Variants in LSAMP observed in about 807,000 individuals in gnomAD.
The protein encoded by LSAMP is limbic system-associated membrane protein.
LSAMP carries 7 observed loss-of-function variants against 38.6 expected under a neutral mutation model. The ratio of observed to expected loss-of-function variants is 0.18; its 90% CI spans 0.10 to 0.34. LSAMP has a LOEUF of 0.34. Ranked by LOEUF, LSAMP falls within the 10% of genes least tolerant of loss-of-function variation. LSAMP has a pLI of 1.00. For missense variants in LSAMP, 313 were observed against 420.0 expected, an observed-to-expected ratio of 0.75 and a Z score of 2.23; for synonymous variants, 154 against 166.8, an observed-to-expected ratio of 0.92 and a Z score of 0.59.
At position 115,935,186 on chromosome 3, in the gene LSAMP, G is replaced by A. The variant is rs141549700; in HGVS notation, c.515-82569C>T. ...GTAACTCAAGGAATAAAATATGAAAGGAAGGAAATAGAGGGGATAGAGGTA... is the reference window on the plus strand; with the variant it reads ...GTAACTCAAGGAATAAAATATGAAAAGAAGGAAATAGAGGGGATAGAGGTA... On this transcript the variant is annotated intron_variant, in intron 3 of 6. Transcript: ENST00000490035. 8.0e-3 allele frequency among the ~76,000 whole-genome samples: 1,224 copies of A among 152,194 alleles called. 1 individual carries two copies. Among genetic ancestry groups the A allele is most frequent in the Non-Finnish European group, 0.011 (745 of 68,004 alleles).
rs1360565467 is a variant in LSAMP at position 116,027,457 on chromosome 3, T to C, written c.389-7817A>G. Among the ~76,000 whole-genome samples, 25 of 152,182 alleles carry C rather than the reference T, an allele frequency of 1.6e-4. 1 individual carries two copies. The highest frequency in any genetic ancestry group is 1.5e-5 in the Non-Finnish European group (1 of 68,032). ...TTCAATTCTGTGTTATTTCATATTC[T>C]TCCAATGGACCACCTGCTTTATACA... On this transcript the variant is annotated intron_variant, in intron 2 of 6. Coordinates refer to ENST00000490035, the MANE Select transcript of LSAMP (RefSeq NM_002338.5).
At chr3:116,157,610 T>C (rs1709784732) in intron 1 of LSAMP, among the ~76,000 whole-genome samples, 2 of 151,906 alleles carry the variant, frequency 1.3e-5, no homozygotes, top group African/African-American at 2.4e-5. Flanking sequence ...AAATAAGATA[T>C]ACTTAGGATA....
chr3:115,928,591 A>AT (rs1244172337), intron 3 of LSAMP, among the ~76,000 whole-genome samples: 1 of 152,218 alleles, frequency 6.6e-6, no homozygotes, highest in African/African-American at 2.4e-5. Flanking sequence ...CATATTGTGA[A>AT]TCTCTAGAGA....
At chr3:115,928,314 T>C (rs1053521919) in intron 3 of LSAMP, among the ~76,000 whole-genome samples, 2 of 152,206 alleles carry the variant, frequency 1.3e-5, no homozygotes, top group African/African-American at 4.8e-5. Flanking sequence ...AAGGCTCTTA[T>C]TTAAAACCAC....
intron 1 of LSAMP, among the ~76,000 whole-genome samples, chr3:116,300,632 G>A (rs1163284417): frequency 6.6e-6 from 1 of 152,122 alleles, no homozygotes; most frequent in Non-Finnish European, 1.5e-5. Flanking sequence ...TAGGTTGCAT[G>A]CTTCTTATGA....
intron 3 of LSAMP, among the ~76,000 whole-genome samples, chr3:115,964,754 T>C (rs536244506): frequency 1.3e-4 from 20 of 152,178 alleles, no homozygotes; most frequent in Middle Eastern, 3.4e-3. Context: ...AAACTTAGCT[T>C]GAATGGGGAT....
chr3:116,009,467 A>C (rs1457894929), intron 3 of LSAMP, among the ~76,000 whole-genome samples: 1 of 152,192 alleles, frequency 6.6e-6, no homozygotes, highest in Admixed American at 6.5e-5. Context: ...CTTATAATAT[A>C]ACTCCCTGAG....
rs17358 is a variant in LSAMP at position 116,193,879 on chromosome 3, ACAC to A, written c.156-107326_156-107324del. The stretch of plus-strand genomic sequence containing the variant: ...AAGTCCAGTGCTTTTTATGAATTAA[ACAC>A]CACATCATCACCAGCTCTACAGTCA... On this transcript the variant is annotated intron_variant, in intron 1 of 6. Transcript: ENST00000490035. Among the ~76,000 whole-genome samples the A allele has an allele frequency of 7.3e-3, 1,112 of 152,338 alleles. 15 individuals carry two copies. The highest frequency in any genetic ancestry group is 0.025 in the African/African-American group (1,027 of 41,572).
At chr3:116,235,825 C>G (rs941262848) in intron 1 of LSAMP, among the ~76,000 whole-genome samples, 4 of 152,072 alleles carry the variant, frequency 2.6e-5, no homozygotes, top group Non-Finnish European at 5.9e-5. Context: ...AAATAAAGAA[C>G]TGAAGAATAA....
intron 3 of LSAMP, among the ~76,000 whole-genome samples, chr3:115,994,975 G>C (rs1475346550): frequency 6.6e-6 from 1 of 152,020 alleles, no homozygotes; most frequent in Non-Finnish European, 1.5e-5. Flanking sequence ...TAGATGCTGG[G>C]CATCGCACAA....
chr3:116,200,095 CACACACA>C lies in LSAMP; in HGVS notation c.156-113546_156-113540del, dbSNP rs1185445434. On this transcript the variant is annotated intron_variant, in intron 1 of 6. Transcript: ENST00000490035. The stretch of plus-strand genomic sequence containing the variant: ...TTTACTGTTTTTCAGTCTTACTTTA[CACACACA>C]CACACACACACACACACACACACAC... Among the ~76,000 whole-genome samples, 10 of 6,166 alleles carry C rather than the reference CACACACA, an allele frequency of 1.6e-3. No homozygotes were observed. In the East Asian group the frequency reaches 0.13, roughly 79 times the overall value. The allele number at this position is 6,166 out of a possible 152,430, so 4.0% of individuals were successfully genotyped here.
At chr3:115,871,391 A>C (rs999122341) in intron 3 of LSAMP, among the ~76,000 whole-genome samples, 1 of 152,112 alleles carries the variant, frequency 6.6e-6, no homozygotes, top group Non-Finnish European at 1.5e-5. Context: ...ATCCTTAGAC[A>C]GGTGTATTCC....
intron 2 of LSAMP, among the ~76,000 whole-genome samples, chr3:116,064,870 G>T (rs1302037503): frequency 6.6e-6 from 1 of 152,174 alleles, no homozygotes; most frequent in African/African-American, 2.4e-5. Flanking sequence ...CATATGGTCT[G>T]ACCTTAGAAC....
intron 1 of LSAMP, among the ~76,000 whole-genome samples, chr3:116,130,286 TAA>T (rs1709095828): frequency 6.6e-6 from 1 of 152,170 alleles, no homozygotes; most frequent in Non-Finnish European, 1.5e-5. Context: ...TTTGGCTAAT[TAA>T]AGAGTCCAAC....
chr3:116,220,193 C>T (rs887376039), intron 1 of LSAMP, among the ~76,000 whole-genome samples: 1 of 151,392 alleles, frequency 6.6e-6, no homozygotes, highest in African/African-American at 2.4e-5. Flanking sequence ...AAAACACACA[C>T]ACACACACAC....
intron 1 of LSAMP, among the ~76,000 whole-genome samples, chr3:116,144,448 A>C (rs1559759110): frequency 6.6e-6 from 1 of 151,934 alleles, no homozygotes; most frequent in African/African-American, 2.4e-5. Context: ...ATCTGAGTCC[A>C]GGAGGATGAG....
intron 1 of LSAMP, among the ~76,000 whole-genome samples, chr3:116,093,967 A>T (rs984441658): frequency 1.3e-5 from 2 of 152,202 alleles, no homozygotes; most frequent in African/African-American, 4.8e-5. Flanking sequence ...TAAAATGTGG[A>T]ATCAGAAAAA....
At chr3:115,919,033 A>C (rs1006774934) in intron 3 of LSAMP, among the ~76,000 whole-genome samples, 1 of 152,164 alleles carries the variant, frequency 6.6e-6, no homozygotes, top group Non-Finnish European at 1.5e-5. Flanking sequence ...AGATGGACTA[A>C]GAGAGATGAA....
intron 1 of LSAMP, among the ~76,000 whole-genome samples, chr3:116,223,135 T>G (rs1212332047): frequency 1.3e-5 from 2 of 152,180 alleles, no homozygotes; most frequent in Non-Finnish European, 2.9e-5. Context: ...CCCAGATGCA[T>G]TTTTAAGCGT....
Sources: gnomAD v4.1 joint callset for allele counts (sites outside exome capture counted in the v4.1 genomes callset) on GRCh38, gnomAD v4.1.1 for gene constraint, MANE v1.5 for transcripts, NCBI Gene and HGNC (gene_info 2026-07-23, HGNC 2026-07-21) for gene names.